The following CTNNA2 variants were observed in gnomAD, a reference collection of about 807,000 sequenced individuals.
CTNNA2 encodes catenin alpha-2.
In CTNNA2, 42 loss-of-function variants were observed where a neutral mutation model predicts 101.0. The ratio of observed to expected loss-of-function variants is 0.42; its 90% CI spans 0.32 to 0.54. The LOEUF is 0.54. Ranked by LOEUF, CTNNA2 falls within the 20% of genes least tolerant of loss-of-function variation. The pLI, the probability that CTNNA2 is intolerant of heterozygous loss-of-function variation, is 0.14. For missense variants in CTNNA2, 871 were observed against 1,223.1 expected (o/e 0.71, Z 4.29); for synonymous variants, 450 against 456.4 (o/e 0.99, Z 0.18).
intron 2 of CTNNA2, among the ~76,000 whole-genome samples, chr2:79,228,803 G>A (rs921114050): frequency 1.3e-5 from 2 of 151,930 alleles, no homozygotes; most frequent in Non-Finnish European, 2.9e-5. Context: ...TGCTTTTGAG[G>A]ACTTAGCCAT....
At chr2:79,930,242 CAAAG>C (rs141730925) in intron 7 of CTNNA2, among the ~76,000 whole-genome samples, 5,633 of 82,378 alleles carry the variant, frequency 0.068, 209 homozygotes, top group South Asian at 0.12. Flanking sequence ...GACTCTGTCT[CAAAG>C]AAAGAAAGAA....
At chr2:80,523,884 C>T (rs77290244) in intron 9 of CTNNA2, among the ~76,000 whole-genome samples, 2,381 of 152,138 alleles carry the variant, frequency 0.016, 31 homozygotes, top group Non-Finnish European at 0.026. Flanking sequence ...GATTACGTTG[C>T]CATACTTAGG....
At chr2:80,104,041 C>A (rs1256804717) in intron 7 of CTNNA2, among the ~76,000 whole-genome samples, 1 of 152,190 alleles carries the variant, frequency 6.6e-6, no homozygotes. Flanking sequence ...TTAATTATAA[C>A]AGCTATGTGA....
chr2:80,166,971 G>C (rs543829673), intron 7 of CTNNA2, among the ~76,000 whole-genome samples: 1 of 152,034 alleles, frequency 6.6e-6, no homozygotes, highest in South Asian at 2.1e-4. Context: ...AAAACCCAGG[G>C]GACTCACCAC....
intron 7 of CTNNA2, among the ~76,000 whole-genome samples, chr2:80,058,542 A>G (rs983847370): frequency 6.6e-6 from 1 of 152,252 alleles, no homozygotes; most frequent in African/African-American, 2.4e-5. Flanking sequence ...AGGAGTCCAT[A>G]GGCCTGCCAA....
At chr2:79,435,497 C>T (rs1432773039) in intron 4 of CTNNA2, among the ~76,000 whole-genome samples, 2 of 152,148 alleles carry the variant, frequency 1.3e-5, no homozygotes, top group African/African-American at 4.8e-5. Flanking sequence ...CTACCTTGCT[C>T]CACTCAAGTT....
chr2:79,251,330 A>T (rs544732332), intron 2 of CTNNA2, among the ~76,000 whole-genome samples: 1 of 152,282 alleles, frequency 6.6e-6, no homozygotes, highest in East Asian at 1.9e-4. Flanking sequence ...GGAGCTGTGG[A>T]ATGCACCATG....
intron 7 of CTNNA2, among the ~76,000 whole-genome samples, chr2:80,097,901 A>G (rs1382158426): frequency 6.6e-6 from 1 of 152,042 alleles, no homozygotes; most frequent in Admixed American, 6.6e-5. Flanking sequence ...CTAGTTAGCC[A>G]TGCACCTAAT....
chr2:80,218,031 T>G (rs995126758), intron 7 of CTNNA2, among the ~76,000 whole-genome samples: 1 of 152,256 alleles, frequency 6.6e-6, no homozygotes, highest in Non-Finnish European at 1.5e-5. Context: ...AAGAATGTGT[T>G]TCTAAATATG....
chr2:79,515,515 T>C (rs946816230), intron 1 of CTNNA2, among the ~76,000 whole-genome samples: 2 of 152,216 alleles, frequency 1.3e-5, no homozygotes, highest in African/African-American at 4.8e-5. Flanking sequence ...CCCCAGTTTT[T>C]GATACTGTGC....
chr2:80,457,344 G>A (rs1051341871), intron 9 of CTNNA2, among the ~76,000 whole-genome samples: 3 of 152,154 alleles, frequency 2.0e-5, no homozygotes, highest in Admixed American at 6.5e-5. Context: ...GATTACAGGC[G>A]TGAGTCACTG....
At chr2:80,549,661 ATC>A (rs1692399305) in intron 11 of CTNNA2, among the ~76,000 whole-genome samples, 1 of 152,114 alleles carries the variant, frequency 6.6e-6, no homozygotes. Flanking sequence ...TACTATTTTC[ATC>A]TCTTTTCCTT....
At chr2:79,602,930 G>T (rs1373193551) in intron 1 of CTNNA2, among the ~76,000 whole-genome samples, 2 of 152,164 alleles carry the variant, frequency 1.3e-5, no homozygotes, top group Admixed American at 6.5e-5. Flanking sequence ...AAGAGGAACA[G>T]ATTTTTCATA....
At chr2:79,327,752 G>A (rs1676779293) in intron 3 of CTNNA2, among the ~76,000 whole-genome samples, 1 of 152,164 alleles carries the variant, frequency 6.6e-6, no homozygotes, top group Admixed American at 6.5e-5. Context: ...CCTCAAAGTG[G>A]TTAAAGTATT....
At position 80,501,547 on chromosome 2, in the gene CTNNA2, G is replaced by A. The variant is rs1056673772; in HGVS notation, c.1291-43435G>A. Among the ~76,000 whole-genome samples, 3 of 152,094 alleles carry A rather than the reference G, an allele frequency of 2.0e-5. No individual in the cohort carries two copies. In the South Asian group the frequency reaches 6.2e-4, roughly 32 times the overall value. On this transcript the variant is annotated intron_variant, in intron 9 of 18. Coordinates refer to ENST00000402739, the MANE Select transcript of CTNNA2 (RefSeq NM_001282597.3). ...CATGGAAGAGAAATTCATTAAATAAGGTAAAATAACAAGGAAGCTGCCATA... is the reference window on the plus strand; with the variant it reads ...CATGGAAGAGAAATTCATTAAATAAAGTAAAATAACAAGGAAGCTGCCATA...
At chr2:79,624,935 A>G (rs1217531739) in intron 1 of CTNNA2, among the ~76,000 whole-genome samples, 3 of 152,064 alleles carry the variant, frequency 2.0e-5, no homozygotes, top group Admixed American at 6.6e-5. Context: ...GCAAATAATT[A>G]TGGCAGAGCA....
chr2:79,698,166 G>A (rs1320920757), intron 2 of CTNNA2, among the ~76,000 whole-genome samples: 1 of 151,854 alleles, frequency 6.6e-6, no homozygotes, highest in African/African-American at 2.4e-5. Context: ...TTTTTACATG[G>A]GAGTTAGTTT....
intron 2 of CTNNA2, among the ~76,000 whole-genome samples, chr2:79,229,544 A>C (rs188037867): frequency 1.8e-3 from 273 of 152,168 alleles, no homozygotes; most frequent in African/African-American, 3.9e-3. Context: ...TTCTTTTGTA[A>C]ATTGCCCAGT....
rs144531571 is a variant in CTNNA2 at position 80,325,971 on chromosome 2, G to A, written c.1057-67240G>A. ...CCACCCTTGTGATTCTCCGTCCAGC[G>A]GTCTTTTTATTGAACCTTAGTGAGC... On this transcript the variant is annotated intron_variant, in intron 7 of 18. Transcript: ENST00000402739. Among the ~76,000 whole-genome samples the A allele has an allele frequency of 7.1e-3, 1,082 of 152,218 alleles. 14 individuals carry two copies. Among genetic ancestry groups the A allele is most frequent in the African/African-American group, 0.024 (1,017 of 41,532 alleles).
Sources: gnomAD v4.1 joint callset for allele counts (sites outside exome capture counted in the v4.1 genomes callset) on GRCh38, gnomAD v4.1.1 for gene constraint, MANE v1.5 for transcripts, NCBI Gene and HGNC (gene_info 2026-07-23, HGNC 2026-07-21) for gene names.